The following DOCK2 variants were observed in gnomAD, a reference collection of about 807,000 sequenced individuals.
DOCK2 encodes dedicator of cytokinesis 2.
In DOCK2, 87 loss-of-function variants were observed where a neutral mutation model predicts 248.9. The ratio of observed to expected loss-of-function variants is 0.35; its 90% confidence interval spans 0.29 to 0.42. The LOEUF is 0.42. DOCK2 is among the 10% of genes least tolerant of loss of function. The pLI, the probability that DOCK2 is intolerant of heterozygous loss-of-function variation, is 1.00. For synonymous variants in DOCK2, 805 were observed against 821.6 expected, an observed-to-expected ratio of 0.98 and a Z score of 0.35; for missense variants, 1,747 against 2,300.2, an observed-to-expected ratio of 0.76 and a Z score of 4.92.
intron 27 of DOCK2, among the ~76,000 whole-genome samples, chr5:169,961,964 G>C (rs1777102875): frequency 5.0e-5 from 1 of 20,122 alleles, no homozygotes; most frequent in African/African-American, 6.2e-4. Flanking sequence ...GGGTGAAAAA[G>C]TGAGACTCTG....
chr5:170,026,894 A>G (rs1384281055), intron 33 of DOCK2, among the ~76,000 whole-genome samples: 3 of 152,128 alleles, frequency 2.0e-5, no homozygotes, highest in Non-Finnish European at 4.4e-5. Context: ...TCCATGTTTT[A>G]TGAGTATTTT....
At chr5:170,064,999 C>T (rs914321873) in intron 44 of DOCK2, among the ~76,000 whole-genome samples, 3 of 150,856 alleles carry the variant, frequency 2.0e-5, no homozygotes, top group African/African-American at 7.3e-5. Flanking sequence ...GTGGGCAAAT[C>T]AATTATCTAG....
At chr5:169,964,110 C>G (rs1361740984) in intron 27 of DOCK2, among the ~76,000 whole-genome samples, 1 of 152,180 alleles carries the variant, frequency 6.6e-6, no homozygotes, top group Non-Finnish European at 1.5e-5. Context: ...CTACCACCTC[C>G]TGTTGAATGA....
chr5:169,898,528 AAACAACAACAAC>A (rs36216194), intron 27 of DOCK2, among the ~76,000 whole-genome samples: 33,502 of 151,148 alleles, frequency 0.22, 5,733 homozygotes, highest in African/African-American at 0.48. Context: ...CACACACACA[AAACAACAACAAC>A]AACAACAACA....
intron 44 of DOCK2, among the ~76,000 whole-genome samples, chr5:170,059,515 G>A (rs1183602729): frequency 1.3e-5 from 2 of 152,038 alleles, no homozygotes; most frequent in African/African-American, 4.8e-5. Flanking sequence ...CATTCCCTCA[G>A]CTACTGTGTG....
chr5:169,923,489 A>G (rs1019104056), intron 27 of DOCK2, among the ~76,000 whole-genome samples: 2 of 148,634 alleles, frequency 1.3e-5, no homozygotes, highest in African/African-American at 4.9e-5. Flanking sequence ...GTGGGCACAC[A>G]CACACACACA....
intron 2 of DOCK2, among the ~76,000 whole-genome samples, chr5:169,656,256 C>T (rs967804649): frequency 2.0e-5 from 3 of 152,060 alleles, no homozygotes; most frequent in African/African-American, 7.2e-5. Context: ...CACGAGACCT[C>T]ACATTTGCAG....
intron 5 of DOCK2, among the ~76,000 whole-genome samples, chr5:169,671,706 A>G (rs56174755): frequency 0.036 from 5,408 of 152,314 alleles, 336 homozygotes; most frequent in African/African-American, 0.12. Flanking sequence ...TAAAGCTCCT[A>G]ATGAAAGCAA....
At chr5:169,880,120 G>T (rs1193382483) in intron 27 of DOCK2, among the ~76,000 whole-genome samples, 1 of 152,212 alleles carries the variant, frequency 6.6e-6, no homozygotes, top group Non-Finnish European at 1.5e-5. Context: ...TTCTGCTTAG[G>T]CTTTCCAATG....
chr5:169,946,608 A>G (rs1351554134), intron 27 of DOCK2, among the ~76,000 whole-genome samples: 1 of 152,190 alleles, frequency 6.6e-6, no homozygotes, highest in Non-Finnish European at 1.5e-5. Context: ...CCACCAGTCT[A>G]CTGAGGACTC....
chr5:169,785,329 C>T (rs1211395405), intron 25 of DOCK2, among the ~76,000 whole-genome samples: 1 of 152,122 alleles, frequency 6.6e-6, no homozygotes. Context: ...TTTTATCCTT[C>T]CTAAGAAGTT....
chr5:169,872,049 G>A (rs1259429797), intron 27 of DOCK2, among the ~76,000 whole-genome samples: 3 of 152,160 alleles, frequency 2.0e-5, no homozygotes, highest in African/African-American at 7.2e-5. Context: ...ACAAGCCACT[G>A]CCATCAACTA....
At chr5:169,714,244 G>C in intron 18 of DOCK2, 33 bp downstream of exon 18, 3 of 1,601,250 alleles carry the variant, frequency 1.9e-6, no homozygotes, top group Non-Finnish European at 2.6e-6. Context: ...TGTCTGTGGG[G>C]AGTGTGTGTG....
intron 6 of DOCK2, among the ~76,000 whole-genome samples, chr5:169,676,510 C>T (rs1430520874): frequency 6.6e-6 from 1 of 152,178 alleles, no homozygotes; most frequent in Non-Finnish European, 1.5e-5. Context: ...ACTGAGACCT[C>T]AAGCTCAGGG....
Position 170,081,933 on chromosome 5 carries a change from T to C in DOCK2, c.5379T>C (p.Gly1793=). The C allele has an allele frequency of 6.2e-7, 1 of 1,613,854 alleles. No individual in the cohort carries two copies. Among genetic ancestry groups the C allele is most frequent in the Non-Finnish European group, 8.5e-7 (1 of 1,179,990 alleles). The change falls in exon 51 of 52, where the codon GGT becomes GGC. Residue 1793 remains glycine, a synonymous_variant. Transcript: ENST00000520908. ...AGACCTTCCTCCAACTCTCAGATGG[T>C]GACAAGAAGACACTCACACGGAAGA... ...LSQTFLQLSD[G]DKKTLTRKKV... is the part of the protein sequence containing the mutation.
intron 14 of DOCK2, among the ~76,000 whole-genome samples, chr5:169,705,861 G>A (rs1761230178): frequency 6.6e-6 from 1 of 152,200 alleles, no homozygotes; most frequent in African/African-American, 2.4e-5. Flanking sequence ...AAGCCAACAT[G>A]AAAGCCTCCA....
chr5:169,853,960 C>G (rs1288361872), intron 27 of DOCK2, among the ~76,000 whole-genome samples: 1 of 148,024 alleles, frequency 6.8e-6, no homozygotes, highest in Non-Finnish European at 1.5e-5. Flanking sequence ...CTCAGCCTCC[C>G]GAGTAGCTGG....
intron 27 of DOCK2, among the ~76,000 whole-genome samples, chr5:169,908,693 A>C (rs1451515557): frequency 6.9e-6 from 1 of 144,456 alleles, no homozygotes; most frequent in South Asian, 2.2e-4. Context: ...GTTTCAATGC[A>C]TTTTTCTCTT....
chr5:169,775,407 C>T (rs1420419226), intron 25 of DOCK2, among the ~76,000 whole-genome samples: 3 of 152,092 alleles, frequency 2.0e-5, no homozygotes, highest in East Asian at 1.9e-4. Flanking sequence ...AGACACAGTG[C>T]TGCTTGATAG....
Sources: gnomAD v4.1 joint callset for allele counts (sites outside exome capture counted in the v4.1 genomes callset) on GRCh38, gnomAD v4.1.1 for gene constraint, MANE v1.5 for transcripts, NCBI Gene and HGNC (gene_info 2026-07-23, HGNC 2026-07-21) for gene names.